Variants in UVRAG observed in about 807,000 individuals in gnomAD.
The protein encoded by UVRAG is UV radiation resistance associated, also known as UV radiation resistance-associated gene protein.
A neutral mutation model predicts 78.0 loss-of-function variants in UVRAG; 19 were observed. The observed-to-expected ratio is 0.24, with a 90% CI of 0.17 to 0.36. The LOEUF is 0.36. Among genes scored for constraint, UVRAG ranks in the 10% least tolerant of loss-of-function variants. UVRAG has a pLI of 1.00. For missense variants in UVRAG, 740 were observed against 853.8 expected (o/e 0.87, Z 1.66); for synonymous variants, 323 against 324.6 (o/e 1.00, Z 0.05).
chr11:75,887,302 T>G (rs1319028230), intron 4 of UVRAG, among the ~76,000 whole-genome samples: 2 of 132,798 alleles, frequency 1.5e-5, no homozygotes, highest in African/African-American at 5.7e-5. Context: ...CCCGCCACCA[T>G]GCCCGGCTAA....
At chr11:75,944,964 A>G (rs1948560930) in intron 6 of UVRAG, among the ~76,000 whole-genome samples, 1 of 152,194 alleles carries the variant, frequency 6.6e-6, no homozygotes, top group African/African-American at 2.4e-5. Context: ...TATTACTGCC[A>G]GAAAATGTTG....
intron 13 of UVRAG, among the ~76,000 whole-genome samples, chr11:76,115,611 G>A (rs1472092657): frequency 6.6e-6 from 1 of 152,124 alleles, no homozygotes; most frequent in African/African-American, 2.4e-5. Flanking sequence ...CTAGATACAG[G>A]GGTCTTTGAA....
intron 13 of UVRAG, among the ~76,000 whole-genome samples, chr11:76,092,224 A>C (rs1007377249): frequency 2.9e-4 from 44 of 151,958 alleles, no homozygotes; most frequent in South Asian, 8.3e-4. Context: ...CATTTTCTTA[A>C]TCCAGTCTAT....
chr11:76,096,200 A>G (rs1951782724), intron 13 of UVRAG, among the ~76,000 whole-genome samples: 1 of 152,206 alleles, frequency 6.6e-6, no homozygotes, highest in South Asian at 2.1e-4. Flanking sequence ...ACAAAGATTC[A>G]CTGGGGAAAC....
chr11:76,058,902 G>A (rs1400457705), intron 12 of UVRAG, among the ~76,000 whole-genome samples: 2 of 152,190 alleles, frequency 1.3e-5, no homozygotes, highest in East Asian at 1.9e-4. Flanking sequence ...GGACACCTTC[G>A]AGAAGTAAGT....
intron 13 of UVRAG, among the ~76,000 whole-genome samples, chr11:76,081,471 G>C (rs961336985): frequency 6.6e-6 from 1 of 152,090 alleles, no homozygotes; most frequent in African/African-American, 2.4e-5. Flanking sequence ...CTCCCAAAGT[G>C]CTGGGATTAC....
intron 14 of UVRAG, among the ~76,000 whole-genome samples, chr11:76,133,951 T>A (rs1176442242): frequency 6.6e-6 from 1 of 150,684 alleles, no homozygotes; most frequent in Non-Finnish European, 1.5e-5. Flanking sequence ...TTTTCTTTTT[T>A]TCTTTTCTTT....
intron 5 of UVRAG, among the ~76,000 whole-genome samples, chr11:75,909,063 A>G (rs963518563): frequency 3.3e-4 from 50 of 151,966 alleles, no homozygotes; most frequent in African/African-American, 1.1e-3. Context: ...AGATTTGTCA[A>G]TGAGCCAGGT....
At chr11:75,894,578 G>A (rs1184192592) in intron 5 of UVRAG, among the ~76,000 whole-genome samples, 1 of 151,916 alleles carries the variant, frequency 6.6e-6, no homozygotes, top group Middle Eastern at 3.2e-3. Flanking sequence ...AAAATCAGAG[G>A]GCTGAGTGTG....
chr11:75,874,537 T>C (rs1172667032), intron 3 of UVRAG, among the ~76,000 whole-genome samples: 1 of 152,244 alleles, frequency 6.6e-6, no homozygotes, highest in East Asian at 1.9e-4. Context: ...TATTTCGTCT[T>C]AACTATTAGA....
chr11:76,130,477 T>C (rs1390195358), intron 14 of UVRAG, among the ~76,000 whole-genome samples: 1 of 152,254 alleles, frequency 6.6e-6, no homozygotes, highest in Non-Finnish European at 1.5e-5. Context: ...CTGCCTCCTT[T>C]AGGAGTATAG....
chr11:75,818,772 C>T (rs1215732703), intron 1 of UVRAG, among the ~76,000 whole-genome samples: 7 of 152,240 alleles, frequency 4.6e-5, no homozygotes, highest in Admixed American at 6.5e-5. Flanking sequence ...CCATTGCGCC[C>T]GGCTGGTATC....
At chr11:75,909,067 G>C (rs150923897) in intron 5 of UVRAG, among the ~76,000 whole-genome samples, 1 of 152,112 alleles carries the variant, frequency 6.6e-6, no homozygotes, top group African/African-American at 2.4e-5. Flanking sequence ...TTGTCAATGA[G>C]CCAGGTGCAG....
chr11:75,962,607 A>G (rs1038443641), intron 7 of UVRAG, among the ~76,000 whole-genome samples: 1 of 152,170 alleles, frequency 6.6e-6, no homozygotes, highest in African/African-American at 2.4e-5. Context: ...CCTTGTCTAT[A>G]AAAACATCTT....
intron 6 of UVRAG, among the ~76,000 whole-genome samples, chr11:75,934,005 A>G (rs537066593): frequency 1.3e-5 from 2 of 152,374 alleles, no homozygotes; most frequent in Admixed American, 1.3e-4. Context: ...TGCTGGGCAT[A>G]TAGCCAAAAG....
At chr11:76,118,256 A>G (rs1250859353) in intron 14 of UVRAG, among the ~76,000 whole-genome samples, 1 of 152,148 alleles carries the variant, frequency 6.6e-6, no homozygotes, top group Non-Finnish European at 1.5e-5. Context: ...ACTGATTTTT[A>G]GTATTTTGAG....
chr11:75,974,323 A>G (rs1013921749), intron 7 of UVRAG, among the ~76,000 whole-genome samples: 1 of 138,760 alleles, frequency 7.2e-6, no homozygotes, highest in African/African-American at 2.7e-5. Flanking sequence ...AGCATTTTTA[A>G]TGTGTCTGTT....
intron 8 of UVRAG, among the ~76,000 whole-genome samples, chr11:76,002,461 T>C (rs1317277008): frequency 6.6e-6 from 1 of 152,186 alleles, no homozygotes; most frequent in Non-Finnish European, 1.5e-5. Flanking sequence ...CTCATTTGTG[T>C]TTTGAAGACC....
At chr11:75,935,531 A>G (rs1948352872) in intron 6 of UVRAG, among the ~76,000 whole-genome samples, 1 of 152,096 alleles carries the variant, frequency 6.6e-6, no homozygotes, top group Non-Finnish European at 1.5e-5. Context: ...CATGGATTAA[A>G]AGATTGGACA....
Sources: allele counts gnomAD v4.1 joint callset (sites outside exome capture counted in the v4.1 genomes callset), GRCh38; gene constraint gnomAD v4.1.1; transcripts MANE v1.5; gene names NCBI Gene and HGNC (gene_info 2026-07-23, HGNC 2026-07-21).